EPHA6: variants seen among roughly 807,000 people sequenced by gnomAD.
EPHA6 encodes EPH receptor A6.
Under a neutral mutation model 112.0 loss-of-function variants are expected in EPHA6, and 50 were observed. The observed-to-expected ratio is 0.45, with a 90% confidence interval of 0.36 to 0.56. The LOEUF (loss-of-function observed/expected upper bound fraction) is 0.56, where lower values mean the gene tolerates loss of function less well. Ranked by LOEUF, EPHA6 falls within the 20% of genes least tolerant of loss-of-function variation. The pLI is 0.00. For synonymous variants in EPHA6, 529 were observed against 490.7 expected, an observed-to-expected ratio of 1.08 and a Z score of -1.03; for missense variants, 1,280 against 1,417.4, an observed-to-expected ratio of 0.90 and a Z score of 1.56.
intron 15 of EPHA6, among the ~76,000 whole-genome samples, chr3:97,732,669 C>T (rs1053080347): frequency 6.6e-6 from 1 of 151,896 alleles, no homozygotes; most frequent in Non-Finnish European, 1.5e-5. Flanking sequence ...CAGGTTAAAC[C>T]TCTTGTTATG....
chr3:97,158,243 C>T (rs931525448), intron 3 of EPHA6, among the ~76,000 whole-genome samples: 2 of 152,054 alleles, frequency 1.3e-5, no homozygotes, highest in Admixed American at 6.6e-5. Flanking sequence ...AAAATATTTG[C>T]TTTATCCATC....
chr3:97,370,803 C>A (rs1294657525), intron 5 of EPHA6, among the ~76,000 whole-genome samples: 1 of 151,990 alleles, frequency 6.6e-6, no homozygotes, highest in African/African-American at 2.4e-5. Context: ...TATTATAGGG[C>A]TGCAATTATT....
intron 2 of EPHA6, among the ~76,000 whole-genome samples, chr3:96,910,784 C>T (rs958756951): frequency 9.2e-5 from 14 of 152,026 alleles, no homozygotes; most frequent in African/African-American, 3.4e-4. Context: ...TCCCCTTAAC[C>T]TCCATTCTTT....
chr3:97,416,079 A>G (rs1180598334), intron 6 of EPHA6, among the ~76,000 whole-genome samples: 2 of 151,904 alleles, frequency 1.3e-5, no homozygotes. Flanking sequence ...TAAAACACCT[A>G]CTTGTTTTTA....
At chr3:97,366,742 G>C (rs2084753671) in intron 5 of EPHA6, among the ~76,000 whole-genome samples, 1 of 152,088 alleles carries the variant, frequency 6.6e-6, no homozygotes, top group South Asian at 2.1e-4. Context: ...AATTGATTAT[G>C]ATTATGTACT....
At chr3:97,000,481 G>A (rs777163469) in intron 3 of EPHA6, among the ~76,000 whole-genome samples, 23 of 151,674 alleles carry the variant, frequency 1.5e-4, no homozygotes, top group Non-Finnish European at 2.5e-4. Flanking sequence ...TTTCATTCAC[G>A]TTACAGTCTA....
intron 14 of EPHA6, among the ~76,000 whole-genome samples, chr3:97,655,264 A>G (rs980508772): frequency 6.6e-6 from 1 of 151,690 alleles, no homozygotes; most frequent in South Asian, 2.1e-4. Flanking sequence ...TCAGTTAGCC[A>G]TTGCAATAAC....
intron 1 of EPHA6, among the ~76,000 whole-genome samples, chr3:96,846,387 AC>A (rs1246767544): frequency 5.9e-5 from 9 of 152,050 alleles, no homozygotes; most frequent in Non-Finnish European, 1.2e-4. Context: ...TAAGATTCTG[AC>A]CCACTCGGAT....
intron 11 of EPHA6, among the ~76,000 whole-genome samples, chr3:97,558,010 T>C (rs1321059371): frequency 6.6e-6 from 1 of 152,002 alleles, no homozygotes; most frequent in Non-Finnish European, 1.5e-5. Context: ...CTTTTCTTTG[T>C]AGACACAAGA....
chr3:97,633,507 A>C (rs1576144926), intron 13 of EPHA6, among the ~76,000 whole-genome samples: 1 of 152,220 alleles, frequency 6.6e-6, no homozygotes, highest in East Asian at 1.9e-4. Flanking sequence ...CCCCTCATAA[A>C]CAATTCGATT....
chr3:97,046,189 C>T (rs116348748), intron 3 of EPHA6, among the ~76,000 whole-genome samples: 105 of 152,174 alleles, frequency 6.9e-4, no homozygotes, highest in African/African-American at 1.7e-3. Flanking sequence ...CTAAAGAAAA[C>T]AGAAGCTTAA....
intron 3 of EPHA6, among the ~76,000 whole-genome samples, chr3:97,194,190 A>T (rs574194097): frequency 6.6e-6 from 1 of 151,500 alleles, no homozygotes; most frequent in East Asian, 2.0e-4. Context: ...ACTTTTTTTG[A>T]TGCAGGTGCT....
intron 15 of EPHA6, among the ~76,000 whole-genome samples, chr3:97,730,463 TTTC>T (rs942836323): frequency 6.6e-6 from 1 of 152,110 alleles, no homozygotes; most frequent in African/African-American, 2.4e-5. Context: ...TTATTTTAAT[TTTC>T]TTCTTACATT....
chr3:97,166,451 A>G (rs2076545445), intron 3 of EPHA6, among the ~76,000 whole-genome samples: 1 of 152,102 alleles, frequency 6.6e-6, no homozygotes, highest in Non-Finnish European at 1.5e-5. Flanking sequence ...GATCTTATGT[A>G]TCACGAGTAG....
At chr3:96,873,931 A>G (rs1205537548) in intron 2 of EPHA6, among the ~76,000 whole-genome samples, 1 of 152,142 alleles carries the variant, frequency 6.6e-6, no homozygotes, top group Non-Finnish European at 1.5e-5. Flanking sequence ...TGTGAAGTAA[A>G]TATTTTTATT....
At chr3:97,495,119 A>C (rs2107535196) in intron 10 of EPHA6, among the ~76,000 whole-genome samples, 1 of 152,184 alleles carries the variant, frequency 6.6e-6, no homozygotes, top group African/African-American at 2.4e-5. Flanking sequence ...GCATAGGGAG[A>C]GCTTACTACC....
At chr3:97,625,386 G>T (rs1374182311) in intron 13 of EPHA6, among the ~76,000 whole-genome samples, 3 of 151,656 alleles carry the variant, frequency 2.0e-5, no homozygotes, top group Non-Finnish European at 1.5e-5. Flanking sequence ...TACTTTATCT[G>T]TTGTAGTCAG....
At chr3:97,125,259 G>T (rs1181108423) in intron 3 of EPHA6, among the ~76,000 whole-genome samples, 2 of 152,126 alleles carry the variant, frequency 1.3e-5, no homozygotes, top group Non-Finnish European at 2.9e-5. Context: ...AGCTAAGAAA[G>T]AATTTATTTA....
At chr3:97,084,123 TGG>T (rs754599568) in intron 3 of EPHA6, among the ~76,000 whole-genome samples, 5,420 of 107,692 alleles carry the variant, frequency 0.05, 176 homozygotes, top group Non-Finnish European at 0.071. Flanking sequence ...TATATATATA[TGG>T]ATATATATCC....
Sources: gnomAD v4.1 joint callset for allele counts (sites outside exome capture counted in the v4.1 genomes callset) on GRCh38, gnomAD v4.1.1 for gene constraint, MANE v1.5 for transcripts, NCBI Gene and HGNC (gene_info 2026-07-23, HGNC 2026-07-21) for gene names.